HKDC1: variants seen among roughly 807,000 people sequenced by gnomAD.
HKDC1 encodes hexokinase domain containing 1.
Under a neutral mutation model 96.6 loss-of-function variants are expected in HKDC1, and 66 were observed. The ratio of observed to expected loss-of-function variants is 0.68; its 90% confidence interval spans 0.56 to 0.84. HKDC1 has a LOEUF of 0.84. HKDC1 is among the 40% of genes least tolerant of loss of function. The pLI is 0.00. For synonymous variants in HKDC1, 466 were observed against 473.1 expected (o/e 0.98, Z 0.20); for missense variants, 1,211 against 1,208.1 (o/e 1.00, Z -0.04).
At chr10:69,234,809 T>A (rs549977793) in intron 4 of HKDC1, among the ~76,000 whole-genome samples, 2 of 152,370 alleles carry the variant, frequency 1.3e-5, no homozygotes, top group South Asian at 4.1e-4. Flanking sequence ...TCTGACAATG[T>A]GTTGTATTTA....
At chr10:69,240,619 C>A in intron 5 of HKDC1, 33 bp from the exon 6 acceptor site, 1 of 1,578,268 alleles carries the variant, frequency 6.3e-7, no homozygotes, top group Non-Finnish European at 8.7e-7. Context: ...CTCCTTCCCA[C>A]CCGCTGATTC....
intron 2 of HKDC1, among the ~76,000 whole-genome samples, chr10:69,229,741 T>A (rs1308631987): frequency 6.6e-6 from 1 of 152,064 alleles, no homozygotes; most frequent in Non-Finnish European, 1.5e-5. Flanking sequence ...GACGCCCAGC[T>A]CCCCATCCCC....
At chr10:69,251,232 T>C (rs1843639659) in intron 12 of HKDC1, among the ~76,000 whole-genome samples, 1 of 151,678 alleles carries the variant, frequency 6.6e-6, no homozygotes, top group South Asian at 2.1e-4. Context: ...GTAGCTGTGA[T>C]TACAGGCACC....
Position 69,261,249 on chromosome 10 carries a change from G to A in HKDC1, c.2327G>A (p.Arg776Gln), listed in dbSNP as rs539633142. The A allele has an allele frequency of 4.5e-5, 73 of 1,614,098 alleles. 1 individual carries two copies. In the South Asian group the frequency reaches 6.1e-4, roughly 14 times the overall value. Residue 776 changes from arginine to glutamine, a missense_variant, in exon 16 of 18, where the codon CGG becomes CAG. By Grantham distance (43) the Arg-to-Gln change is conservative. Transcript: ENST00000354624. ...CGAGGGCAGATTTCAGAGCGTCTCC[G>A]GACCAGGGGCATCTTCGAAACCAAG... is the stretch of plus-strand genomic sequence containing the variant. ...LFRGQISERL[R>Q]TRGIFETKFL...
chr10:69,250,673 T>A, intron 12 of HKDC1, 21 bp downstream of exon 12: 2 of 1,612,022 alleles, frequency 1.2e-6, no homozygotes, highest in Non-Finnish European at 1.7e-6. Context: ...CCCACCAGGC[T>A]CACGGCCAGC....
rs1437619948 is a variant in HKDC1, at chr10:69,248,518, G to A, written c.1360G>A (p.Ala454Thr). 9 of 1,613,258 alleles carry A rather than the reference G, an allele frequency of 5.6e-6. No homozygotes were observed. In the Admixed American group the frequency reaches 1.0e-4, roughly 18 times the overall value. The part of the protein sequence containing the change: ...LSESGSTKGA[A>T]MVTAVASRVQ... ...AGAGAGTGGCAGCACCAAGGGGGCC[G>A]CCATGGTGACCGCGGTGGCCTCCCG... The change falls in exon 10 of 18, where the codon GCC (alanine) becomes ACC (threonine). Residue 454 changes from alanine to threonine, a missense_variant. By Grantham distance (58) the Ala-to-Thr change is moderately conservative. Transcript: ENST00000354624.
In HKDC1 at chr10:69,234,085, G is replaced by A. The variant is rs1308514802; in HGVS notation, c.495+952G>A. ...ACCCAATCTTATGTGAATAAAGACA[G>A]CAAATAAGGGGACGTTCTGGGGCCA... On this transcript the variant is annotated intron_variant, in intron 4 of 17. Coordinates refer to ENST00000354624, the MANE Select transcript of HKDC1 (RefSeq NM_025130.4). 3.9e-5 allele frequency among the ~76,000 whole-genome samples: 6 copies of A among 152,070 alleles called. No homozygotes were observed. The East Asian group carries it at 7.7e-4, about 20-fold the overall frequency.
At chr10:69,248,259 T>G (rs1409431203) in intron 9 of HKDC1, among the ~76,000 whole-genome samples, 165 bp from the exon 10 acceptor site, 27 of 152,152 alleles carry the variant, frequency 1.8e-4, no homozygotes, top group Admixed American at 1.6e-3. Flanking sequence ...CCCAGCTTCT[T>G]AGTCCCTCCC....
intron 2 of HKDC1, among the ~76,000 whole-genome samples, chr10:69,230,901 T>C (rs1843247828): frequency 6.6e-6 from 1 of 152,198 alleles, no homozygotes; most frequent in Admixed American, 6.5e-5. Flanking sequence ...ACCACAGGTG[T>C]GAGCCACCGT....
Position 69,221,823 on chromosome 10 carries a change from C to T in HKDC1, c.63+1325C>T, listed in dbSNP as rs566280449. ...TGGTGTGTGCCTACAGTCCCAACTACTCGGGAGGCTGCGGTGGCAGGATGG... is the reference window on the plus strand; with the variant it reads ...TGGTGTGTGCCTACAGTCCCAACTATTCGGGAGGCTGCGGTGGCAGGATGG... On this transcript the variant is annotated intron_variant, in intron 1 of 17. Coordinates refer to ENST00000354624, the MANE Select transcript of HKDC1 (RefSeq NM_025130.4). Among the ~76,000 whole-genome samples the T allele has an allele frequency of 7.2e-4, 110 of 151,802 alleles. 1 individual carries two copies. The highest frequency in any genetic ancestry group is 2.5e-3 in the African/African-American group (103 of 41,370).
intron 2 of HKDC1, among the ~76,000 whole-genome samples, chr10:69,232,146 A>G (rs949532754): frequency 6.6e-6 from 1 of 151,976 alleles, no homozygotes; most frequent in African/African-American, 2.4e-5. Flanking sequence ...CCCAGCCCCC[A>G]CCTTTCAATT....
chr10:69,260,519 C>T (rs752513133), intron 15 of HKDC1, among the ~76,000 whole-genome samples: 7 of 152,030 alleles, frequency 4.6e-5, no homozygotes, highest in Non-Finnish European at 1.0e-4. Flanking sequence ...ATTTTTTGTT[C>T]TGGTGTTAAT....
intron 12 of HKDC1, among the ~76,000 whole-genome samples, chr10:69,256,141 T>G (rs1276968378): frequency 1.3e-5 from 2 of 152,256 alleles, no homozygotes; most frequent in East Asian, 3.9e-4. Context: ...AGTGTAATTT[T>G]AAAAATAAAA....
intron 5 of HKDC1, among the ~76,000 whole-genome samples, chr10:69,239,698 CT>C (rs1843424069): frequency 6.6e-6 from 1 of 151,562 alleles, no homozygotes; most frequent in African/African-American, 2.4e-5. Flanking sequence ...GCCTTCCAGC[CT>C]TTTTTTCTTT....
chr10:69,265,026 C>T (rs10998679), intron 16 of HKDC1, among the ~76,000 whole-genome samples: 18,345 of 152,200 alleles, frequency 0.12, 1,466 homozygotes, highest in Middle Eastern at 0.19. Flanking sequence ...ATTGAATATA[C>T]CCTGCTGGCT....
rs1011219754 is a variant in HKDC1, at chr10:69,258,012, C to T, written c.2032+586C>T. Among the ~76,000 whole-genome samples, 16 of 152,246 alleles carry T rather than the reference C, an allele frequency of 1.1e-4. No homozygotes were observed. The Middle Eastern group carries it at 0.014, about 129-fold the overall frequency. The stretch of plus-strand genomic sequence containing the variant: ...GACAAAAGGCATTCCAGGTGATAGG[C>T]ACAGGCTAAGTAATGATAGAACCTA... On this transcript the variant is annotated intron_variant, in intron 14 of 17. Coordinates refer to ENST00000354624, the MANE Select transcript of HKDC1 (RefSeq NM_025130.4).
At chr10:69,240,539 G>T in intron 5 of HKDC1, 113 bp from the exon 6 acceptor site, 1 of 773,514 alleles carries the variant, frequency 1.3e-6, no homozygotes, top group Non-Finnish European at 2.2e-6. Flanking sequence ...CCAGCAGGCA[G>T]GATCTAGGGA....
chr10:69,234,142 TC>T (rs771284196), intron 4 of HKDC1, among the ~76,000 whole-genome samples: 37 of 152,130 alleles, frequency 2.4e-4, no homozygotes, highest in African/African-American at 5.1e-4. Context: ...GAGTCTAGTC[TC>T]CCCGGGCCAC....
chr10:69,231,671 C>A (rs537515985), intron 2 of HKDC1, among the ~76,000 whole-genome samples: 37 of 152,260 alleles, frequency 2.4e-4, no homozygotes, highest in African/African-American at 8.4e-4. Flanking sequence ...GCCTGTATTT[C>A]GGATCAATTT....
Sources: allele counts gnomAD v4.1 joint callset (sites outside exome capture counted in the v4.1 genomes callset), GRCh38; gene constraint gnomAD v4.1.1; transcripts MANE v1.5; gene names NCBI Gene and HGNC (gene_info 2026-07-23, HGNC 2026-07-21).